Variants in PTOV1 observed in about 807,000 individuals in gnomAD.
The protein encoded by PTOV1 is PTOV1 extended AT-hook containing adaptor protein, also known as prostate tumor-overexpressed gene 1 protein.
Under a neutral mutation model 58.0 loss-of-function variants are expected in PTOV1, and 20 were observed. The observed-to-expected ratio is 0.34, with a 90% CI of 0.24 to 0.50. PTOV1 has a LOEUF of 0.50. PTOV1 is among the 20% of genes least tolerant of loss of function. The probability of loss-of-function intolerance (pLI) is 0.98; values close to 1 mark genes in which losing one functional copy is unlikely to be tolerated. For synonymous variants in PTOV1, 335 were observed against 234.2 expected, an observed-to-expected ratio of 1.43 and a Z score of -3.93; for missense variants, 593 against 565.4, an observed-to-expected ratio of 1.05 and a Z score of -0.50.
chr19:49,859,120 C>T (rs1484348713), intron 10 of PTOV1: 1 of 155,514 alleles, frequency 6.4e-6, no homozygotes, highest in Non-Finnish European at 1.4e-5. Context: ...GAAGGTTGGA[C>T]TTTGGTGTTT....
At chr19:49,850,861 C>T (rs1397888815), upstream of PTOV1, 8 of 1,535,360 alleles carry the variant, frequency 5.2e-6, no homozygotes, top group Admixed American at 2.0e-5. Flanking sequence ...TCTCCTGGCT[C>T]TGCGGGCCCA....
chr19:49,860,027 C>A, exon 11 of PTOV1: 2 of 1,614,200 alleles, frequency 1.2e-6, no homozygotes, highest in African/African-American at 1.3e-5. Flanking sequence ...CGTGTGAGAT[C>A]CGCGTGCTTA....
chr19:49,853,835 C>T (rs2074354002), intron 1 of PTOV1, among the ~76,000 whole-genome samples: 1 of 152,162 alleles, frequency 6.6e-6, no homozygotes. Flanking sequence ...CTTGTCATCT[C>T]CTTCCTGCCT....
At position 49,860,217 on chromosome 19, in the gene PTOV1, C is replaced by T. The variant is rs749861145; in HGVS notation, c.1239+34C>T. 8.1e-6 allele frequency: 13 copies of T among 1,613,696 alleles called. No homozygotes were observed. The African/African-American group carries it at 1.2e-4, about 15-fold the overall frequency. On this transcript the variant is annotated intron_variant, in intron 11 of 11. Coordinates refer to ENST00000391842, the Ensembl canonical transcript of PTOV1. ...GCCGGCCTCCAGGGCTGCTCAGTCT[C>T]CCTCCACCCCCGCTGCCTGCTCACC...
chr19:49,857,258 C>T, intron 6 of PTOV1, 128 bp downstream of exon 6: 1 of 1,319,888 alleles, frequency 7.6e-7, no homozygotes, highest in South Asian at 1.3e-5. Context: ...GCAGGGGAGC[C>T]CGGAGGATGC....
Position 49,851,367 on chromosome 19 carries a change from C to CG in PTOV1, c.44dup (p.Leu17ProfsTer94). On this transcript the variant is annotated frameshift_variant, in exon 1 of 12. Coordinates refer to ENST00000391842, the Ensembl canonical transcript of PTOV1. LOFTEE classifies it high-confidence loss of function. ...GCCGTGCCCCGTACCGCTCCGGCGC[C>CG]GGGGGCCCCCTCGGGGGTCGCGGCC... 8.9e-7 allele frequency: 1 copy of CG among 1,126,350 alleles called. No homozygotes were observed. The highest frequency in any genetic ancestry group is 1.1e-6 in the Non-Finnish European group (1 of 921,712). 69.8% of individuals were successfully genotyped at this position (1,126,350 alleles called of 1,614,324 possible).
intron 5 of PTOV1, 46 bp from the exon 6 acceptor site, chr19:49,856,929 T>C (rs764336263): frequency 5.6e-6 from 9 of 1,605,886 alleles, no homozygotes; most frequent in Non-Finnish European, 7.7e-6. Context: ...GGGGGCACAG[T>C]GGCCCCGGGC....
chr19:49,850,891 C>G (rs1458612533), upstream of PTOV1: 2 of 1,535,854 alleles, frequency 1.3e-6, no homozygotes, highest in Non-Finnish European at 1.7e-6. Flanking sequence ...ATGAGGTCTC[C>G]CGCCGTCCCG....
In PTOV1 at chr19:49,854,649, C is replaced by T; in HGVS notation, c.310-3C>T. The T allele has an allele frequency of 1.2e-6, 2 of 1,613,522 alleles. No individual in the cohort carries two copies. Among genetic ancestry groups the T allele is most frequent in the Non-Finnish European group, 1.7e-6 (2 of 1,179,974 alleles). ...CACAGTGACGCCCCTCCTGCCCCCACAGAAGCGCAGACCCTACTCTGACTC... is the reference window on the plus strand; with the variant it reads ...CACAGTGACGCCCCTCCTGCCCCCATAGAAGCGCAGACCCTACTCTGACTC... On this transcript the variant is annotated splice_polypyrimidine_tract_variant and splice_region_variant and intron_variant, in intron 2 of 11. Coordinates refer to ENST00000391842, the Ensembl canonical transcript of PTOV1.
At chr19:49,850,834 G>T, upstream of PTOV1, 1 of 1,534,304 alleles carries the variant, frequency 6.5e-7, no homozygotes, top group Non-Finnish European at 8.7e-7. Flanking sequence ...CCTCTTCCCT[G>T]ATGTATTTTG....
intron 5 of PTOV1, chr19:49,855,440 G>C: frequency 3.3e-6 from 1 of 303,964 alleles, no homozygotes; most frequent in Non-Finnish European, 6.4e-6. Context: ...GAGCCAGCCA[G>C]GAGGGAGTGG....
intron 1 of PTOV1, chr19:49,851,915 G>T: frequency 1.0e-6 from 1 of 973,004 alleles, no homozygotes; most frequent in East Asian, 1.2e-4. Flanking sequence ...TTGTACCAGC[G>T]CCCCCAGATG....
At chr19:49,853,459 C>T (rs2074334457) in intron 1 of PTOV1, among the ~76,000 whole-genome samples, 1 of 148,664 alleles carries the variant, frequency 6.7e-6, no homozygotes, top group African/African-American at 2.5e-5. Flanking sequence ...AGTTCGAGAC[C>T]AGTCTGGCCA....
exon 12 of PTOV1, chr19:49,860,380 G>T: frequency 2.6e-6 from 3 of 1,170,842 alleles, no homozygotes; most frequent in Non-Finnish European, 3.6e-6. Context: ...CCTGGGGCAT[G>T]TGGGGGGGGT....
chr19:49,851,330 T>TGGTCC lies in PTOV1; in HGVS notation c.4_8dup (p.Pro4_?3). 9.6e-7 allele frequency: 1 copy of TGGTCC among 1,039,904 alleles called. No homozygotes were observed. Among genetic ancestry groups the TGGTCC allele is most frequent in the Non-Finnish European group, 1.1e-6 (1 of 876,260 alleles). The allele number at this position is 1,039,904 out of a possible 1,614,324, so 64.4% of individuals were successfully genotyped here. A position where few individuals can be genotyped will look rare whatever the true frequency, so the allele number is the denominator to read the frequency against. Reference sequence around the variant, plus strand: ...CCGCCCGCTCGGCCCGCGCCCGCCATGGTCCGTCCGCGCCGTGCCCCGTAC... The same window carrying TGGTCC: ...CCGCCCGCTCGGCCCGCGCCCGCCATGGTCCGGTCCGTCCGCGCCGTGCCCCGTAC... On this transcript the variant is annotated frameshift_variant and start_lost, in exon 1 of 12. Coordinates refer to ENST00000391842, the Ensembl canonical transcript of PTOV1. LOFTEE classifies it high-confidence loss of function.
intron 1 of PTOV1, chr19:49,851,865 G>A: frequency 1.0e-6 from 1 of 988,324 alleles, no homozygotes; most frequent in Non-Finnish European, 1.2e-6. Context: ...TGGAAATGGG[G>A]GCGGTTTTGG....
At chr19:49,855,077 C>T (rs1442054679) in exon 5 of PTOV1, 8 of 1,586,406 alleles carry the variant, frequency 5.0e-6, no homozygotes, top group African/African-American at 1.3e-5. Flanking sequence ...GCAACGGCTT[C>T]GTGAGTGGGG....
chr19:49,855,134 G>A (rs1044467532), intron 5 of PTOV1, 57 bp downstream of exon 5: 4 of 1,482,584 alleles, frequency 2.7e-6, no homozygotes, highest in African/African-American at 1.4e-5. Flanking sequence ...TGGAGGCAGC[G>A]CTCTGCTCAC....
At chr19:49,855,132 G>A (rs2074407069) in intron 5 of PTOV1, 55 bp downstream of exon 5, 5 of 1,488,942 alleles carry the variant, frequency 3.4e-6, no homozygotes, top group Non-Finnish European at 1.8e-6. Context: ...GCTGGAGGCA[G>A]CGCTCTGCTC....
Sources: gnomAD v4.1 joint callset for allele counts (sites outside exome capture counted in the v4.1 genomes callset) on GRCh38, gnomAD v4.1.1 for gene constraint, MANE v1.5 for transcripts, NCBI Gene and HGNC (gene_info 2026-07-23, HGNC 2026-07-21) for gene names.